Variants in RPP14 observed in about 807,000 individuals in gnomAD.
The protein encoded by RPP14 is ribonuclease P/MRP subunit p14.
A neutral mutation model predicts 17.8 loss-of-function variants in RPP14; 19 were observed. The ratio of observed to expected loss-of-function variants is 1.07; its 90% CI spans 0.74 to 1.57. The LOEUF is 1.57. RPP14 is among the 40% of genes most tolerant of loss of function. The pLI, the probability that RPP14 is intolerant of heterozygous loss-of-function variation, is 0.00. For missense variants in RPP14, 125 were observed against 140.8 expected (o/e 0.89, Z 0.57); for synonymous variants, 60 against 56.4 (o/e 1.06, Z -0.29).
At chr3:58,306,883 G>A (rs1425663321) in intron 1 of RPP14, among the ~76,000 whole-genome samples, 1 of 152,136 alleles carries the variant, frequency 6.6e-6, no homozygotes, top group Non-Finnish European at 1.5e-5. Context: ...AAAGATAAAC[G>A]AGTTACATAA....
intron 3 of RPP14, among the ~76,000 whole-genome samples, chr3:58,311,380 C>T (rs532584046): frequency 6.6e-6 from 1 of 152,312 alleles, no homozygotes; most frequent in East Asian, 1.9e-4. Context: ...GTCTTGAACT[C>T]CTGACCTCAG....
At chr3:58,317,350 T>G in intron 5 of RPP14, 90 bp from the exon 6 acceptor site, 1 of 849,744 alleles carries the variant, frequency 1.2e-6, no homozygotes, top group Non-Finnish European at 1.9e-6. Context: ...ATCAGCTTTG[T>G]TTATCCTGTA....
At chr3:58,306,869 A>C (rs1391276198) in intron 1 of RPP14, among the ~76,000 whole-genome samples, 3 of 152,258 alleles carry the variant, frequency 2.0e-5, no homozygotes, top group African/African-American at 7.2e-5. Context: ...GGGGAAGTAC[A>C]GATAAAGATA....
At chr3:58,306,578 GCA>G (rs2097475016) in intron 1 of RPP14, 161 bp downstream of exon 1, 1 of 152,202 alleles carries the variant, frequency 6.6e-6, no homozygotes, top group African/African-American at 2.4e-5. Context: ...GGTCTCGGCC[GCA>G]GAACGTGGCC....
At chr3:58,311,396 C>G (rs149644257) in intron 3 of RPP14, among the ~76,000 whole-genome samples, 1 of 152,310 alleles carries the variant, frequency 6.6e-6, no homozygotes, top group Non-Finnish European at 1.5e-5. Flanking sequence ...CTCAGGTGAT[C>G]CACGCGCCTT....
chr3:58,316,462 C>T, intron 3 of RPP14, 53 bp from the exon 4 acceptor site: 1 of 1,484,008 alleles, frequency 6.7e-7, no homozygotes, highest in Non-Finnish European at 9.4e-7. Flanking sequence ...AGTTGACAAG[C>T]ATTCAAGAAT....
intron 1 of RPP14, chr3:58,307,770 T>C (rs2097477118): frequency 6.6e-6 from 1 of 152,162 alleles, no homozygotes; most frequent in Non-Finnish European, 1.5e-5. Context: ...GCCTGGTGAA[T>C]ATATTTAATA....
In RPP14 at chr3:58,318,110, C is replaced by G. The variant is rs527385510; in HGVS notation, c.*614C>G. 3.1e-6 allele frequency: 2 copies of G among 644,564 alleles called. No individual in the cohort carries two copies. Among genetic ancestry groups the G allele is most frequent in the African/African-American group, 3.7e-5 (2 of 54,634 alleles). The allele number at this position is 644,564 out of a possible 1,614,324, so 39.9% of individuals were successfully genotyped here. Reference sequence around the variant, plus strand: ...GTTAAAGTTATGGTTCCAGAAGCTTCCAAATCCTGAAATAGATGTTTTAAA... The same window carrying G: ...GTTAAAGTTATGGTTCCAGAAGCTTGCAAATCCTGAAATAGATGTTTTAAA... On this transcript the variant is annotated 3_prime_UTR_variant, in exon 6 of 6. Transcript: ENST00000295959.
At position 58,318,310 on chromosome 3, in the gene RPP14, T is replaced by C. The variant is rs2097490520; in HGVS notation, c.*814T>C. On this transcript the variant is annotated 3_prime_UTR_variant, in exon 6 of 6. Transcript: ENST00000295959. ...GCCTTATGCTTCATGCAGACTTGAG[T>C]GTATGCAGGATTTCATTATCTGCCT... The C allele has an allele frequency of 2.0e-6, 1 of 489,864 alleles. No homozygotes were observed. Among genetic ancestry groups the C allele is most frequent in the South Asian group, 3.9e-5 (1 of 25,478 alleles). 30.3% of individuals were successfully genotyped at this position (489,864 alleles called of 1,614,324 possible). A position where few individuals can be genotyped will look rare whatever the true frequency, so the allele number is the denominator to read the frequency against.
Position 58,319,061 on chromosome 3 carries a change from C to T in RPP14, c.*1565C>T, listed in dbSNP as rs2097491640. On this transcript the variant is annotated 3_prime_UTR_variant, in exon 6 of 6. Transcript: ENST00000295959. Reference sequence around the variant, plus strand: ...TAGATTTGCATTTGGATAACAAATCCCTACCTATAGCCATGTGGAAGCAGC... The same window carrying T: ...TAGATTTGCATTTGGATAACAAATCTCTACCTATAGCCATGTGGAAGCAGC... The T allele has an allele frequency of 3.3e-5, 5 of 151,992 alleles. No homozygotes were observed. Among genetic ancestry groups the T allele is most frequent in the Admixed American group, 3.3e-4 (5 of 15,252 alleles). The allele number at this position is 151,992 out of a possible 1,614,324, so 9.4% of individuals were successfully genotyped here.
chr3:58,318,234 T>G lies in RPP14; in HGVS notation c.*738T>G. 1 of 583,094 alleles carries G rather than the reference T, an allele frequency of 1.7e-6. No individual in the cohort carries two copies. Among genetic ancestry groups the G allele is most frequent in the Non-Finnish European group, 3.0e-6 (1 of 332,346 alleles). The allele number at this position is 583,094 out of a possible 1,614,324, so 36.1% of individuals were successfully genotyped here. A position where few individuals can be genotyped will look rare whatever the true frequency, so the allele number is the denominator to read the frequency against. On this transcript the variant is annotated 3_prime_UTR_variant, in exon 6 of 6. Transcript: ENST00000295959. Reference sequence around the variant, plus strand: ...GATAGGCCCAGAAGCCCATCTTAGTTAGGGGAAGGGAGCAGGAAGAGGGTT... The same window carrying G: ...GATAGGCCCAGAAGCCCATCTTAGTGAGGGGAAGGGAGCAGGAAGAGGGTT...
chr3:58,309,319 T>C (rs1284930084), intron 1 of RPP14, among the ~76,000 whole-genome samples: 1 of 152,188 alleles, frequency 6.6e-6, no homozygotes, highest in African/African-American at 2.4e-5. Flanking sequence ...TGGGCAGATG[T>C]TACCTACGTT....
rs1042655314 is a variant in RPP14, at chr3:58,318,519, G to C, written c.*1023G>C. 1 of 126,504 alleles carries C rather than the reference G, an allele frequency of 7.9e-6. No homozygotes were observed. The highest frequency in any genetic ancestry group is 1.6e-5 in the Non-Finnish European group (1 of 62,298). 7.8% of individuals were successfully genotyped at this position (126,504 alleles called of 1,614,324 possible). ...CCAAAAAAAAAAAAAAAAAAAAAGTGCAACTAGCTGTGCTTGGTGACTTGG... is the reference window on the plus strand; with the variant it reads ...CCAAAAAAAAAAAAAAAAAAAAAGTCCAACTAGCTGTGCTTGGTGACTTGG... On this transcript the variant is annotated 3_prime_UTR_variant, in exon 6 of 6. Coordinates refer to ENST00000295959, the MANE Select transcript of RPP14 (RefSeq NM_007042.6).
chr3:58,310,643 C>T (rs1191719168), intron 3 of RPP14, 52 bp downstream of exon 3: 13 of 1,507,802 alleles, frequency 8.6e-6, no homozygotes, highest in Admixed American at 2.0e-5. Flanking sequence ...GTAAGAAATA[C>T]AGAAAGAGGC....
At chr3:58,310,793 G>A (rs937807671) in intron 3 of RPP14, among the ~76,000 whole-genome samples, 2 of 151,914 alleles carry the variant, frequency 1.3e-5, no homozygotes, top group African/African-American at 4.8e-5. Flanking sequence ...AGCTGGGTGT[G>A]GTGGCAGGCA....
intron 3 of RPP14, among the ~76,000 whole-genome samples, chr3:58,314,559 CTGAAATAAAAAATGACA>C (rs2097486179): frequency 6.6e-6 from 1 of 150,802 alleles, no homozygotes; most frequent in East Asian, 1.9e-4. Flanking sequence ...AGCAGAATGA[CTGAAATAAAAAATGACA>C]ACACTAAGTG....
chr3:58,316,785 G>A (rs1385076249), intron 4 of RPP14, 130 bp from the exon 5 acceptor site: 2 of 909,908 alleles, frequency 2.2e-6, no homozygotes, highest in African/African-American at 3.3e-5. Context: ...TTACGATTTG[G>A]TTACAGCTGT....
At position 58,316,982 on chromosome 3, in the gene RPP14, C is replaced by A. The variant is rs763270675; in HGVS notation, c.307C>A (p.Arg103=). The A allele has an allele frequency of 1.9e-6, 3 of 1,613,338 alleles. No individual in the cohort carries two copies. The highest frequency in any genetic ancestry group is 2.5e-6 in the Non-Finnish European group (3 of 1,179,406). The change falls in exon 5 of 6, where the codon CGG becomes AGG. Residue 103 remains arginine (R), a synonymous_variant. Coordinates refer to ENST00000295959, the MANE Select transcript of RPP14 (RefSeq NM_007042.6). ...CTATAAAGGCAAAAAATGTGCTTTC[C>A]GGGTGATTCAGGTAAAGACTATTCC... The part of the protein sequence containing the change: ...GSYKGKKCAF[R]VIQVSPFLLA...
chr3:58,308,939 A>G (rs1236601361), intron 1 of RPP14, among the ~76,000 whole-genome samples: 2 of 152,262 alleles, frequency 1.3e-5, no homozygotes, highest in South Asian at 4.1e-4. Context: ...AGCCAAGGAA[A>G]GGAACTGTCT....
Sources: gnomAD v4.1 joint callset for allele counts (sites outside exome capture counted in the v4.1 genomes callset) on GRCh38, gnomAD v4.1.1 for gene constraint, MANE v1.5 for transcripts, NCBI Gene and HGNC (gene_info 2026-07-23, HGNC 2026-07-21) for gene names.